The following LRP12 variants were observed in gnomAD, a reference collection of about 807,000 sequenced individuals.
The protein encoded by LRP12 is LDL receptor related protein 12.
LRP12 carries 14 observed loss-of-function variants against 66.0 expected under a neutral mutation model. The observed-to-expected ratio is 0.21, with a 90% CI of 0.14 to 0.33. The LOEUF (loss-of-function observed/expected upper bound fraction) is 0.33, where lower values mean the gene tolerates loss of function less well. LRP12 is among the 10% of genes least tolerant of loss of function. LRP12 has a pLI of 1.00. For synonymous variants in LRP12, 357 were observed against 359.1 expected (o/e 0.99, Z 0.07); for missense variants, 889 against 1,053.4 (o/e 0.84, Z 2.16).
intron 1 of LRP12, among the ~76,000 whole-genome samples, chr8:104,563,724 T>C (rs1017231211): frequency 6.6e-6 from 1 of 152,076 alleles, no homozygotes; most frequent in Non-Finnish European, 1.5e-5. Flanking sequence ...TCTTTTGCCA[T>C]GTGAGGACAC....
chr8:104,589,018 G>C lies in LRP12; in HGVS notation c.-121C>G. 1 of 540,830 alleles carries C rather than the reference G, an allele frequency of 1.8e-6. No individual in the cohort carries two copies. Among genetic ancestry groups the C allele is most frequent in the South Asian group, 3.9e-5 (1 of 25,522 alleles). 33.5% of individuals were successfully genotyped at this position (540,830 alleles called of 1,614,324 possible). ...GCCGCCGAGCCACCGGCTGCTCCCT[G>C]CGCTCTCCGCGGCTGCGGGAGGGGG... On this transcript the variant is annotated 5_prime_UTR_variant, in exon 1 of 7. Coordinates refer to ENST00000276654, the MANE Select transcript of LRP12 (RefSeq NM_013437.5).
intron 1 of LRP12, among the ~76,000 whole-genome samples, chr8:104,572,867 G>A (rs1482521247): frequency 3.9e-5 from 6 of 151,916 alleles, no homozygotes; most frequent in Admixed American, 2.0e-4. Flanking sequence ...TCTATTTATC[G>A]TAGCTAGCCC....
chr8:104,505,361 C>G (rs996091295), intron 3 of LRP12: 2 of 147,356 alleles, frequency 1.4e-5, no homozygotes, highest in Admixed American at 1.4e-4. Context: ...GTGTTACAAC[C>G]TTTCTACTTG....
intron 1 of LRP12, among the ~76,000 whole-genome samples, chr8:104,553,134 C>A (rs530066517): frequency 2.4e-4 from 37 of 152,238 alleles, no homozygotes; most frequent in African/African-American, 8.4e-4. Flanking sequence ...TTGGGGAGGG[C>A]TGCCAGTGAA....
intron 1 of LRP12, among the ~76,000 whole-genome samples, chr8:104,547,242 T>C (rs1486108673): frequency 6.0e-5 from 8 of 132,936 alleles, no homozygotes; most frequent in Non-Finnish European, 9.2e-5. Context: ...GTATATAATA[T>C]ACAATTCTGT....
chr8:104,586,590 A>C (rs1812336856), intron 1 of LRP12, among the ~76,000 whole-genome samples: 1 of 152,190 alleles, frequency 6.6e-6, no homozygotes, highest in South Asian at 2.1e-4. Flanking sequence ...ATTTCTCAGG[A>C]TGCATCCACC....
At position 104,491,200 on chromosome 8, in the gene LRP12, C is replaced by T; in HGVS notation, c.2053G>A (p.Val685Ile). The T allele has an allele frequency of 6.2e-7, 1 of 1,614,104 alleles. No homozygotes were observed. Among genetic ancestry groups the T allele is most frequent in the Non-Finnish European group, 8.5e-7 (1 of 1,180,018 alleles). ...LPQKVPPTTA[V>I]EATVGACASS... ...GCACATGCTCCTACTGTCGCTTCTACTGCCGTTGTGGGAGGGACTTTTTGA... is the reference window on the plus strand; with the variant it reads ...GCACATGCTCCTACTGTCGCTTCTATTGCCGTTGTGGGAGGGACTTTTTGA... The change falls in exon 7 of 7, where the codon GTA (valine) becomes ATA (isoleucine). Residue 685 changes from valine (V) to isoleucine (I), a missense_variant. Around this residue, in one of 3 missense-constraint regions of LRP12, gnomAD observed 800 missense variants for 964.5 expected, o/e 0.83. Transcript: ENST00000276654.
intron 2 of LRP12, among the ~76,000 whole-genome samples, chr8:104,518,633 T>C (rs1324375289): frequency 6.6e-6 from 1 of 152,110 alleles, no homozygotes; most frequent in Non-Finnish European, 1.5e-5. Context: ...TTAGTAGTTT[T>C]AAAGCTTCTA....
At chr8:104,529,352 G>A (rs1811292125) in intron 2 of LRP12, among the ~76,000 whole-genome samples, 1 of 152,106 alleles carries the variant, frequency 6.6e-6, no homozygotes, top group Non-Finnish European at 1.5e-5. Flanking sequence ...AATTTATGTT[G>A]TTTAAGTTAC....
At chr8:104,499,118 C>T (rs1288191178) in intron 4 of LRP12, among the ~76,000 whole-genome samples, 199 bp downstream of exon 4, 3 of 152,148 alleles carry the variant, frequency 2.0e-5, no homozygotes, top group African/African-American at 7.2e-5. Context: ...TGAAGTTAAT[C>T]ATTTTGTTAG....
chr8:104,513,537 T>G (rs187728631), intron 2 of LRP12, among the ~76,000 whole-genome samples: 1 of 152,166 alleles, frequency 6.6e-6, no homozygotes, highest in Non-Finnish European at 1.5e-5. Flanking sequence ...ACAGAAACCA[T>G]GCTAGCAGGA....
chr8:104,505,406 T>G (rs1030998951), intron 3 of LRP12: 8 of 148,410 alleles, frequency 5.4e-5, no homozygotes, highest in Non-Finnish European at 1.0e-4. Context: ...TTCCTTTTTT[T>G]TTTTTTTTTT....
chr8:104,556,768 G>A (rs1293366367), intron 1 of LRP12, among the ~76,000 whole-genome samples: 1 of 152,038 alleles, frequency 6.6e-6, no homozygotes, highest in Non-Finnish European at 1.5e-5. Context: ...ATTCTATGAA[G>A]CCACCAGCAT....
At chr8:104,588,765 C>T (rs1812377896) in intron 1 of LRP12, 54 bp downstream of exon 1, 1 of 1,552,614 alleles carries the variant, frequency 6.4e-7, no homozygotes, top group Non-Finnish European at 8.8e-7. Context: ...GCCTCGGGGC[C>T]CGGGTCGCCT....
At chr8:104,501,822 T>C (rs1810832147) in intron 3 of LRP12, among the ~76,000 whole-genome samples, 1 of 152,244 alleles carries the variant, frequency 6.6e-6, no homozygotes, top group Non-Finnish European at 1.5e-5. Flanking sequence ...AAGCAGAAGT[T>C]TTAAATTTTA....
In LRP12 at chr8:104,493,729, A is replaced by T. The variant is rs139330390; in HGVS notation, c.1713+1348T>A. On this transcript the variant is annotated intron_variant, in intron 6 of 6. Coordinates refer to ENST00000276654, the MANE Select transcript of LRP12 (RefSeq NM_013437.5). ...TGCCTATGTGCTAGTGCACCAGTAC[A>T]AACTCCGGACACCCGAGGCCTGGGT... 2.4e-3 allele frequency among the ~76,000 whole-genome samples: 364 copies of T among 152,342 alleles called. 3 individuals are homozygous for T. The highest frequency in any genetic ancestry group is 9.6e-3 in the East Asian group (50 of 5,182).
intron 1 of LRP12, among the ~76,000 whole-genome samples, chr8:104,574,099 T>A (rs1286492615): frequency 2.0e-5 from 3 of 152,322 alleles, no homozygotes; most frequent in Admixed American, 2.0e-4. Flanking sequence ...GTTTTACATA[T>A]AAATCTGACC....
In LRP12 at chr8:104,498,066, C is replaced by T. The variant is rs774943646; in HGVS notation, c.486G>A (p.Glu162=). The T allele has an allele frequency of 1.3e-6, 2 of 1,589,802 alleles. No individual in the cohort carries two copies. Among genetic ancestry groups the T allele is most frequent in the Admixed American group, 1.7e-5 (1 of 57,546 alleles). Residue 162 remains glutamate (E), a synonymous_variant, in exon 5 of 7, where the codon GAG becomes GAA. Transcript: ENST00000276654. ...FRLAYFSGKS[E]EPNCACDQFR... is the part of the protein sequence containing the mutation. ...ACTGATCACAAGCACAATTTGGTTC[C>T]TCAGATTTCCCTGTGAAGATGTGAG...
chr8:104,550,999 CAT>C (rs1383301982), intron 1 of LRP12, among the ~76,000 whole-genome samples: 5 of 152,202 alleles, frequency 3.3e-5, no homozygotes, highest in African/African-American at 1.2e-4. Flanking sequence ...CAATTCCTTC[CAT>C]GTGTTAAGAG....
Sources: allele counts gnomAD v4.1 joint callset (sites outside exome capture counted in the v4.1 genomes callset), GRCh38; gene constraint gnomAD v4.1.1; regional missense constraint gnomAD v4.1.1; transcripts MANE v1.5; gene names NCBI Gene and HGNC (gene_info 2026-07-23, HGNC 2026-07-21).